MDGA2: variants seen among roughly 807,000 people sequenced by gnomAD.
MDGA2 encodes MAM domain-containing glycosylphosphatidylinositol anchor protein 2.
In MDGA2, 40 loss-of-function variants were observed where a neutral mutation model predicts 117.8. The observed-to-expected ratio is 0.34, with a 90% confidence interval of 0.26 to 0.44. The LOEUF (loss-of-function observed/expected upper bound fraction) is 0.44, where lower values mean the gene tolerates loss of function less well. Among genes scored for constraint, MDGA2 ranks in the 20% least tolerant of loss-of-function variants. MDGA2 has a pLI of 1.00. For missense variants in MDGA2, 1,123 were observed against 1,250.6 expected, an observed-to-expected ratio of 0.90 and a Z score of 1.54; for synonymous variants, 452 against 439.0, an observed-to-expected ratio of 1.03 and a Z score of -0.37.
chr14:47,316,849 G>C (rs78525884), intron 1 of MDGA2, among the ~76,000 whole-genome samples: 10 of 152,168 alleles, frequency 6.6e-5, no homozygotes, highest in African/African-American at 2.4e-4. Context: ...TAGTCAAAAA[G>C]TGACATAAAC....
chr14:47,356,151 C>T (rs1371071395), intron 1 of MDGA2, among the ~76,000 whole-genome samples: 1 of 152,148 alleles, frequency 6.6e-6, no homozygotes, highest in African/African-American at 2.4e-5. Context: ...GAAGAAAGCC[C>T]AGGAGCCCCT....
chr14:47,335,472 G>A (rs187563758), intron 1 of MDGA2, among the ~76,000 whole-genome samples: 27 of 151,312 alleles, frequency 1.8e-4, no homozygotes, highest in African/African-American at 5.1e-4. Flanking sequence ...AAGATCCTGA[G>A]AGGGAGGGAT....
chr14:47,643,851 T>G (rs1266596756), intron 1 of MDGA2, among the ~76,000 whole-genome samples: 1 of 152,006 alleles, frequency 6.6e-6, no homozygotes. Context: ...AAAGAAAAAT[T>G]TTTGTGAGGG....
At chr14:47,261,915 T>G (rs1015037745) in intron 2 of MDGA2, among the ~76,000 whole-genome samples, 4 of 152,104 alleles carry the variant, frequency 2.6e-5, no homozygotes, top group African/African-American at 9.7e-5. Flanking sequence ...GGGGGACTCA[T>G]TGGTCTTTGA....
intron 1 of MDGA2, among the ~76,000 whole-genome samples, chr14:47,337,624 T>C (rs979401178): frequency 6.6e-6 from 1 of 151,814 alleles, no homozygotes; most frequent in Admixed American, 6.6e-5. Flanking sequence ...AATAGAGCTG[T>C]AAAAATAAAA....
chr14:47,409,025 T>G (rs866365495), intron 1 of MDGA2, among the ~76,000 whole-genome samples: 11 of 152,136 alleles, frequency 7.2e-5, no homozygotes, highest in African/African-American at 2.7e-4. Flanking sequence ...GCCTTGTGTG[T>G]CTGGAGTGGA....
At chr14:47,350,778 T>C (rs1890860924) in intron 1 of MDGA2, among the ~76,000 whole-genome samples, 1 of 152,200 alleles carries the variant, frequency 6.6e-6, no homozygotes, top group Non-Finnish European at 1.5e-5. Flanking sequence ...GGTAGCTAGA[T>C]CCAGGGAGCA....
chr14:46,863,204 T>C (rs1324865363), intron 14 of MDGA2, among the ~76,000 whole-genome samples: 1 of 152,120 alleles, frequency 6.6e-6, no homozygotes, highest in African/African-American at 2.4e-5. Context: ...ATGCTTTATA[T>C]TTCTTCTCTT....
intron 10 of MDGA2, among the ~76,000 whole-genome samples, chr14:46,919,468 C>G (rs1884039108): frequency 6.6e-6 from 1 of 152,158 alleles, no homozygotes; most frequent in African/African-American, 2.4e-5. Context: ...ACAGTTTTTT[C>G]CACATAACCC....
intron 1 of MDGA2, among the ~76,000 whole-genome samples, chr14:47,658,140 T>A (rs540483087): frequency 2.9e-4 from 44 of 151,852 alleles, no homozygotes; most frequent in African/African-American, 1.0e-3. Flanking sequence ...GGGCTCCTTA[T>A]GCAAAAGACA....
intron 1 of MDGA2, among the ~76,000 whole-genome samples, chr14:47,670,854 C>G (rs1898061700): frequency 6.6e-6 from 1 of 151,600 alleles, no homozygotes; most frequent in South Asian, 2.1e-4. Context: ...TTTTAAAATC[C>G]AATAAGCAAA....
chr14:47,313,246 G>T (rs909245328), intron 1 of MDGA2, among the ~76,000 whole-genome samples: 1 of 151,808 alleles, frequency 6.6e-6, no homozygotes, highest in Admixed American at 6.6e-5. Flanking sequence ...CACATGGATC[G>T]GTGCCTTTCA....
At chr14:47,032,370 T>A (rs1400007275) in intron 8 of MDGA2, among the ~76,000 whole-genome samples, 1 of 152,086 alleles carries the variant, frequency 6.6e-6, no homozygotes, top group Non-Finnish European at 1.5e-5. Context: ...GAAGATTGCT[T>A]GAAGTCAGGT....
Position 46,882,224 on chromosome 14 carries a change from G to T in MDGA2, c.2239-3C>A. On this transcript the variant is annotated splice_polypyrimidine_tract_variant and splice_region_variant and intron_variant, in intron 10 of 16. Transcript: ENST00000399232. Reference sequence around the variant, plus strand: ...TCCCACCAGCGCTGCTGTCCAGCCTGAAATCAAAACAATAATAGAATAATG... The same window carrying T: ...TCCCACCAGCGCTGCTGTCCAGCCTTAAATCAAAACAATAATAGAATAATG... 1 of 1,604,426 alleles carries T rather than the reference G, an allele frequency of 6.2e-7. No individual in the cohort carries two copies. The highest frequency in any genetic ancestry group is 1.1e-5 in the South Asian group (1 of 89,236).
chr14:47,308,630 G>T (rs1358422867), intron 1 of MDGA2, among the ~76,000 whole-genome samples: 1 of 147,294 alleles, frequency 6.8e-6, no homozygotes, highest in Non-Finnish European at 1.5e-5. Context: ...ATTTAAATAT[G>T]CTACAGCATA....
chr14:46,863,256 CCCTTGTTCA>C (rs1207607339), intron 14 of MDGA2, among the ~76,000 whole-genome samples: 1 of 152,112 alleles, frequency 6.6e-6, no homozygotes, highest in Non-Finnish European at 1.5e-5. Context: ...AGTCTTCTCT[CCCTTGTTCA>C]CCCACGCCAT....
intron 2 of MDGA2, among the ~76,000 whole-genome samples, chr14:47,234,993 A>T (rs550946557): frequency 5.3e-5 from 8 of 152,308 alleles, no homozygotes; most frequent in Middle Eastern, 3.4e-3. Flanking sequence ...TTATATAATT[A>T]GAGTATGTTG....
chr14:47,248,989 TTTCTTTCA>T (rs1255736571), intron 2 of MDGA2, among the ~76,000 whole-genome samples: 1 of 142,938 alleles, frequency 7.0e-6, no homozygotes, highest in African/African-American at 2.6e-5. Context: ...TCTTTCTTTC[TTTCTTTCA>T]TTCTTTCTTT....
intron 1 of MDGA2, among the ~76,000 whole-genome samples, chr14:47,504,769 T>C (rs553365510): frequency 6.6e-6 from 1 of 152,276 alleles, no homozygotes; most frequent in East Asian, 1.9e-4. Flanking sequence ...GTACAGCCAT[T>C]ATGGAAAACA....
Sources: allele counts gnomAD v4.1 joint callset (sites outside exome capture counted in the v4.1 genomes callset), GRCh38; gene constraint gnomAD v4.1.1; transcripts MANE v1.5; gene names NCBI Gene and HGNC (gene_info 2026-07-23, HGNC 2026-07-21).